DIMT1: variants seen among roughly 807,000 people sequenced by gnomAD.
DIMT1 encodes dimethyladenosine transferase.
Under a neutral mutation model 43.2 loss-of-function variants are expected in DIMT1, and 36 were observed. The ratio of observed to expected loss-of-function variants is 0.83; its 90% confidence interval spans 0.64 to 1.10. DIMT1 has a LOEUF of 1.10. Among genes scored for constraint, DIMT1 ranks in the 50% least tolerant of loss-of-function variants. DIMT1 has a pLI of 0.00. For missense variants in DIMT1, 341 were observed against 385.3 expected (o/e 0.88, Z 0.96); for synonymous variants, 126 against 130.3 (o/e 0.97, Z 0.22).
rs1742795761 is a variant in DIMT1 at position 62,403,686 on chromosome 5, A to T, written c.79+8T>A. ...GACCGACCCCAGCTTCCTCGCGGGG[A>T]TCCGCACCTCCAGCGCTCTTCAGCT... On this transcript the variant is annotated splice_region_variant and intron_variant, in intron 1 of 11. Coordinates refer to ENST00000199320, the MANE Select transcript of DIMT1 (RefSeq NM_014473.4). 6.2e-7 allele frequency: 1 copy of T among 1,605,598 alleles called. No individual in the cohort carries two copies. The highest frequency in any genetic ancestry group is 8.5e-7 in the Non-Finnish European group (1 of 1,176,960).
chr5:62,397,277 T>C (rs1393691895), intron 6 of DIMT1, among the ~76,000 whole-genome samples: 1 of 152,178 alleles, frequency 6.6e-6, no homozygotes, highest in Non-Finnish European at 1.5e-5. Context: ...TTATGTAAAA[T>C]TTCCACTGGA....
chr5:62,403,854 TCGCCGCCACGCGCCGCC>T lies in DIMT1; in HGVS notation c.-99_-83del. The T allele has an allele frequency of 4.2e-6, 6 of 1,433,678 alleles. No individual in the cohort carries two copies. Among genetic ancestry groups the T allele is most frequent in the Non-Finnish European group, 5.7e-6 (6 of 1,049,866 alleles). 88.8% of individuals were successfully genotyped at this position (1,433,678 alleles called of 1,614,324 possible). A position where few individuals can be genotyped will look rare whatever the true frequency, so the allele number is the denominator to read the frequency against. On this transcript the variant is annotated 5_prime_UTR_variant, in exon 1 of 12. Transcript: ENST00000199320. ...GCGTGAGAAAGCCACCACGTGGGGA[TCGCCGCCACGCGCCGCC>T]CGCACCACTCTGGCCCAAGCGCCGG...
chr5:62,391,676 ACT>A, intron 10 of DIMT1: 2 of 1,200,620 alleles, frequency 1.7e-6, no homozygotes, highest in South Asian at 2.9e-5. Context: ...CATCGCACAC[ACT>A]GTTACACAAA....
chr5:62,389,415 G>C (rs564419980), intron 11 of DIMT1, among the ~76,000 whole-genome samples: 1 of 147,078 alleles, frequency 6.8e-6, no homozygotes, highest in African/African-American at 2.5e-5. Context: ...GAACCCAGGA[G>C]GCGGAGGTTG....
Position 62,389,019 on chromosome 5 carries a change from A to G in DIMT1, c.933T>C (p.His311=). The G allele has an allele frequency of 1.2e-6, 2 of 1,609,872 alleles. No homozygotes were observed. The highest frequency in any genetic ancestry group is 1.7e-6 in the Non-Finnish European group (2 of 1,178,966). The change falls in exon 12 of 12, where the codon CAT becomes CAC. Residue 311 remains histidine (H), a synonymous_variant. Coordinates refer to ENST00000199320, the MANE Select transcript of DIMT1 (RefSeq NM_014473.4). ...TCTGTTTTCCAAATACCTAGGAAAA[A>G]TGAATACCTTCTGCGTTGAATCCAT... ...LLHGFNAEGI[H]FS
At chr5:62,395,384 C>T (rs908979827) in intron 6 of DIMT1, among the ~76,000 whole-genome samples, 2 of 152,118 alleles carry the variant, frequency 1.3e-5, no homozygotes, top group Non-Finnish European at 2.9e-5. Context: ...GGTTAACGAA[C>T]AGAAGAGTAT....
At chr5:62,402,931 A>C (rs1742757449) in intron 2 of DIMT1, among the ~76,000 whole-genome samples, 1 of 152,240 alleles carries the variant, frequency 6.6e-6, no homozygotes, top group African/African-American at 2.4e-5. Flanking sequence ...CAAACTTTCT[A>C]ATGTGTAGTT....
chr5:62,391,668 T>A, intron 10 of DIMT1: 1 of 1,161,950 alleles, frequency 8.6e-7, no homozygotes, highest in Non-Finnish European at 1.1e-6. Context: ...AAACATCACA[T>A]CGCACACACT....
At chr5:62,391,472 C>T (rs1437108896) in intron 10 of DIMT1, 1 of 160,718 alleles carries the variant, frequency 6.2e-6, no homozygotes, top group Non-Finnish European at 1.3e-5. Flanking sequence ...AAATATTTTT[C>T]TTAATCTAGC....
Position 62,397,074 on chromosome 5 carries a change from C to T in DIMT1, c.446+1437G>A, listed in dbSNP as rs963374257. Among the ~76,000 whole-genome samples the T allele has an allele frequency of 1.3e-5, 2 of 152,134 alleles. 1 individual carries two copies. The highest frequency in any genetic ancestry group is 4.8e-5 in the African/African-American group (2 of 41,428). Reference sequence around the variant, plus strand: ...AAGCGATTCCCCTGCCTCAGCCTCCCGAGTAGCTGGGATTATAGGTGCCCA... The same window carrying T: ...AAGCGATTCCCCTGCCTCAGCCTCCTGAGTAGCTGGGATTATAGGTGCCCA... On this transcript the variant is annotated intron_variant, in intron 6 of 11. Coordinates refer to ENST00000199320, the MANE Select transcript of DIMT1 (RefSeq NM_014473.4).
chr5:62,396,268 G>A (rs1278064857), intron 6 of DIMT1, among the ~76,000 whole-genome samples: 1 of 151,596 alleles, frequency 6.6e-6, no homozygotes, highest in Non-Finnish European at 1.5e-5. Context: ...CCAGCATTTG[G>A]GGAGGCTGAG....
chr5:62,397,386 A>T (rs1241261028), intron 6 of DIMT1, among the ~76,000 whole-genome samples: 1 of 152,188 alleles, frequency 6.6e-6, no homozygotes, highest in African/African-American at 2.4e-5. Flanking sequence ...TTTGGCATCT[A>T]TCAAGTACAA....
In DIMT1 at chr5:62,403,769, G is replaced by A; in HGVS notation, c.4C>T (p.Pro2Ser). The change falls in exon 1 of 12, where the codon CCG becomes TCG. Residue 2 changes from proline (P) to serine (S), a missense_variant. Transcript: ENST00000199320. ...CCGATGGCCCCCGACTTGACCTTCG[G>A]CATCTCGGCAGAAAGCGGGCCCACA... is the stretch of plus-strand genomic sequence containing the variant. M[P>S]KVKSGAIGRR... The A allele has an allele frequency of 1.2e-6, 2 of 1,610,228 alleles. No individual in the cohort carries two copies. Among genetic ancestry groups the A allele is most frequent in the Non-Finnish European group, 1.7e-6 (2 of 1,178,754 alleles).
At position 62,394,497 on chromosome 5, in the gene DIMT1, T is replaced by C. The variant is rs770711458; in HGVS notation, c.557A>G (p.Asp186Gly). Residue 186 changes from aspartate to glycine, a missense_variant, in exon 7 of 12, where the codon GAC (aspartate) becomes GGC (glycine). By Grantham distance (94) the Asp-to-Gly change is moderately conservative. Coordinates refer to ENST00000199320, the MANE Select transcript of DIMT1 (RefSeq NM_014473.4). ...AAATTCACTTACTTTCATTAGATGG[T>C]CCACACGTGCCAACAGCTGTGTATT... ...SINTQLLARVDHLMKVGKNNF... is the reference protein window; with the variant it reads ...SINTQLLARVGHLMKVGKNNF... The C allele has an allele frequency of 2.4e-5, 38 of 1,614,036 alleles. No individual in the cohort carries two copies. The highest frequency in any genetic ancestry group is 3.0e-5 in the Non-Finnish European group (35 of 1,180,046).
intron 10 of DIMT1, chr5:62,391,679 G>A (rs1742308937): frequency 8.1e-7 from 1 of 1,238,618 alleles, no homozygotes; most frequent in South Asian, 2.4e-5. Context: ...CGCACACACT[G>A]TTACACAAAT....
In DIMT1 at chr5:62,391,808, CGTG is replaced by C. The variant is rs143047592; in HGVS notation, c.792+360_792+362del. 4,336 of 1,409,610 alleles carry C rather than the reference CGTG, an allele frequency of 3.1e-3. 100 individuals are homozygous for C. The African/African-American group carries it at 0.053, about 17-fold the overall frequency. 87.3% of individuals were successfully genotyped at this position (1,409,610 alleles called of 1,614,324 possible). On this transcript the variant is annotated intron_variant, in intron 10 of 11. Coordinates refer to ENST00000199320, the MANE Select transcript of DIMT1 (RefSeq NM_014473.4). ...ACTGCTATGTGAGCAAGAAACAAGA[CGTG>C]GTCACAATTCAGAGGACAGTAAACT...
chr5:62,401,177 C>T (rs949013142), intron 3 of DIMT1, among the ~76,000 whole-genome samples: 4 of 152,030 alleles, frequency 2.6e-5, no homozygotes, highest in African/African-American at 4.8e-5. Context: ...AAAGGGGAGG[C>T]GTTGGGTATT....
In DIMT1 at chr5:62,388,538, A is replaced by G. The variant is rs1742144666; in HGVS notation, c.*472T>C. The stretch of plus-strand genomic sequence containing the variant: ...CAAAATAAAAATAATTTAAGAAACA[A>G]TTGTTTTACTGTACATGTGAATAAC... On this transcript the variant is annotated 3_prime_UTR_variant, in exon 12 of 12. Coordinates refer to ENST00000199320, the MANE Select transcript of DIMT1 (RefSeq NM_014473.4). 1 of 154,304 alleles carries G rather than the reference A, an allele frequency of 6.5e-6. No individual in the cohort carries two copies. The highest frequency in any genetic ancestry group is 1.4e-5 in the Non-Finnish European group (1 of 69,616). 9.6% of individuals were successfully genotyped at this position (154,304 alleles called of 1,614,324 possible).
chr5:62,398,714 GT>G lies in DIMT1; in HGVS notation c.327del (p.Leu110TrpfsTer6). ...TCTGTTTTCAGCACATCACCCACCA[GT>G]ACTTGAAGTTTGCTGGCCACAGGCC... ...QGTPVASKLQ[V>X]LVGDVLKTDL... On this transcript the variant is annotated frameshift_variant, in exon 5 of 12. Coordinates refer to ENST00000199320, the MANE Select transcript of DIMT1 (RefSeq NM_014473.4). LOFTEE classifies it high-confidence loss of function. The G allele has an allele frequency of 6.2e-7, 1 of 1,614,174 alleles. No homozygotes were observed. The highest frequency in any genetic ancestry group is 8.5e-7 in the Non-Finnish European group (1 of 1,180,018).
Sources: gnomAD v4.1 joint callset for allele counts (sites outside exome capture counted in the v4.1 genomes callset) on GRCh38, gnomAD v4.1.1 for gene constraint, MANE v1.5 for transcripts, NCBI Gene and HGNC (gene_info 2026-07-23, HGNC 2026-07-21) for gene names.